The following CFAP20DC variants were observed in gnomAD, a reference collection of about 807,000 sequenced individuals.
CFAP20DC encodes CFAP20 domain containing, also known as protein CFAP20DC.
A neutral mutation model predicts 101.7 loss-of-function variants in CFAP20DC; 84 were observed. The ratio of observed to expected loss-of-function variants is 0.83; its 90% CI spans 0.69 to 0.99. The LOEUF (loss-of-function observed/expected upper bound fraction) is 0.99, where lower values mean the gene tolerates loss of function less well. CFAP20DC is among the 50% of genes least tolerant of loss of function. CFAP20DC has a pLI of 0.00. For synonymous variants in CFAP20DC, 359 were observed against 351.2 expected (o/e 1.02, Z -0.25); for missense variants, 1,007 against 970.3 (o/e 1.04, Z -0.50).
chr3:58,727,187 C>T (rs1237326882), intron 3 of CFAP20DC: 2 of 159,070 alleles, frequency 1.3e-5, no homozygotes, highest in South Asian at 1.6e-4. Flanking sequence ...TTTCCTTTAC[C>T]TTTCCTTGCC....
In CFAP20DC at chr3:58,937,649, A is replaced by G. The variant is rs1171925038; in HGVS notation, c.392T>C (p.Ile131Thr). The part of the protein sequence containing the change: ...KIPLFMIKRK[I>T]WCNLCIDLVA... ...AGGCAACATTCATGTGATACTTACA[A>G]TTTTACGTTTGATCATGAAGAGTGG... Residue 131 changes from isoleucine to threonine, a missense_variant and splice_region_variant, in exon 5 of 17, where the codon ATT (isoleucine) becomes ACT (threonine). Physicochemically the swap from Ile to Thr is moderately conservative, Grantham distance 89. Coordinates refer to ENST00000482387, the MANE Select transcript of CFAP20DC (RefSeq NM_001394063.1). 6.4e-7 allele frequency: 1 copy of G among 1,571,332 alleles called. No homozygotes were observed. The highest frequency in any genetic ancestry group is 8.8e-7 in the Non-Finnish European group (1 of 1,141,302).
chr3:58,847,710 A>G lies in CFAP20DC; in HGVS notation c.1971+1322T>C, dbSNP rs1382263053. ...ATAAATCATGCTGCTATAAAGACAC[A>G]TGCACACGTATGTTTATTGCGGCAT... On this transcript the variant is annotated intron_variant, in intron 13 of 16. Transcript: ENST00000482387. Among the ~76,000 whole-genome samples the G allele has an allele frequency of 1.3e-4, 18 of 140,396 alleles. No homozygotes were observed. In the East Asian group the frequency reaches 3.9e-3, roughly 30 times the overall value. The allele number at this position is 140,396 out of a possible 152,430, so 92.1% of individuals were successfully genotyped here.
chr3:58,818,216 A>G (rs1318750334), intron 14 of CFAP20DC, among the ~76,000 whole-genome samples: 7 of 152,028 alleles, frequency 4.6e-5, no homozygotes, highest in East Asian at 1.9e-4. Context: ...TCGAGACTAG[A>G]AAGAAACTGC....
intron 16 of CFAP20DC, among the ~76,000 whole-genome samples, chr3:58,752,978 T>G (rs1451104287): frequency 6.6e-6 from 1 of 152,050 alleles, no homozygotes; most frequent in African/African-American, 2.4e-5. Context: ...CACTCTGAGG[T>G]TATTTGTCAC....
At chr3:58,730,862 T>A (rs1026325054) in intron 3 of CFAP20DC, among the ~76,000 whole-genome samples, 1 of 152,112 alleles carries the variant, frequency 6.6e-6, no homozygotes, top group Non-Finnish European at 1.5e-5. Context: ...GAAAGGTGAA[T>A]GACAACCATT....
At chr3:58,759,999 G>T (rs1468067649) in intron 15 of CFAP20DC, among the ~76,000 whole-genome samples, 2 of 152,124 alleles carry the variant, frequency 1.3e-5, no homozygotes, top group South Asian at 2.1e-4. Flanking sequence ...TTTGGCTTAG[G>T]ATTGACTTGG....
At chr3:59,018,937 C>A (rs2093745273) in intron 4 of CFAP20DC, 1 of 152,080 alleles carries the variant, frequency 6.6e-6, no homozygotes, top group Non-Finnish European at 1.5e-5. Flanking sequence ...TGTATACACA[C>A]ACACACACAA....
At chr3:59,041,348 T>C (rs79156011) in intron 3 of CFAP20DC, among the ~76,000 whole-genome samples, 1,782 of 152,170 alleles carry the variant, frequency 0.012, 34 homozygotes, top group African/African-American at 0.041. Flanking sequence ...CTTTCTCACA[T>C]ATAGAAGCCC....
At chr3:58,854,183 C>T (rs1333736938) in intron 12 of CFAP20DC, among the ~76,000 whole-genome samples, 13 of 152,100 alleles carry the variant, frequency 8.5e-5, no homozygotes, top group Admixed American at 2.6e-4. Flanking sequence ...CATTCTGATA[C>T]ACCAACAACA....
intron 15 of CFAP20DC, among the ~76,000 whole-genome samples, chr3:58,761,593 T>C (rs958631772): frequency 6.6e-6 from 1 of 152,216 alleles, no homozygotes; most frequent in African/African-American, 2.4e-5. Context: ...TGAATGTGTT[T>C]GCTCTTGCTT....
At chr3:58,845,734 C>T (rs1260325837) in intron 13 of CFAP20DC, among the ~76,000 whole-genome samples, 1 of 150,444 alleles carries the variant, frequency 6.6e-6, no homozygotes, top group Non-Finnish European at 1.5e-5. Context: ...AGACCAATAT[C>T]CTTGATGAAC....
At chr3:58,951,699 T>C (rs932044393) in intron 4 of CFAP20DC, among the ~76,000 whole-genome samples, 2 of 151,938 alleles carry the variant, frequency 1.3e-5, no homozygotes, top group East Asian at 1.9e-4. Context: ...TAGGTGGGAA[T>C]TGAACAATGA....
intron 15 of CFAP20DC, among the ~76,000 whole-genome samples, chr3:58,754,430 C>A: frequency 6.6e-6 from 1 of 152,172 alleles, no homozygotes. Context: ...CTTCCCCAGT[C>A]TCTTGCTTCC....
At chr3:58,941,608 G>A (rs1249060939) in intron 4 of CFAP20DC, among the ~76,000 whole-genome samples, 1 of 151,704 alleles carries the variant, frequency 6.6e-6, no homozygotes, top group East Asian at 2.0e-4. Flanking sequence ...TCGCTCTGTG[G>A]CCCAGGCTGG....
chr3:58,811,373 C>T (rs1359559828), intron 14 of CFAP20DC, among the ~76,000 whole-genome samples: 4 of 152,116 alleles, frequency 2.6e-5, no homozygotes, highest in Admixed American at 2.0e-4. Flanking sequence ...ATCAATGGAA[C>T]AGAACAGAGC....
intron 4 of CFAP20DC, among the ~76,000 whole-genome samples, chr3:58,961,126 T>C (rs1315732052): frequency 6.6e-6 from 1 of 152,246 alleles, no homozygotes. Flanking sequence ...TTTTTGTATG[T>C]TTCTAGATTT....
chr3:58,821,432 A>T (rs567935516), intron 14 of CFAP20DC, among the ~76,000 whole-genome samples: 2,779 of 151,882 alleles, frequency 0.018, 87 homozygotes, highest in African/African-American at 0.063. Flanking sequence ...TACAATGAAC[A>T]CAAACAAATT....
chr3:58,959,251 T>C lies in CFAP20DC; in HGVS notation c.279-21489A>G, dbSNP rs558318024. ...CTGGGATTACAGGCATGTGCCACCA[T>C]GCCCGGCTAATTTTGTATTTTTAGT... On this transcript the variant is annotated intron_variant, in intron 4 of 16. Transcript: ENST00000482387. Among the ~76,000 whole-genome samples, 54 of 152,244 alleles carry C rather than the reference T, an allele frequency of 3.5e-4. 3 individuals are homozygous for C. In the South Asian group the frequency reaches 0.011, roughly 31 times the overall value.
intron 14 of CFAP20DC, among the ~76,000 whole-genome samples, chr3:58,818,479 G>T (rs1220697636): frequency 6.6e-6 from 1 of 151,570 alleles, no homozygotes; most frequent in Admixed American, 6.6e-5. Context: ...GAAAAAGGCA[G>T]GGGTTGCAAT....
Sources: gnomAD v4.1 joint callset for allele counts (sites outside exome capture counted in the v4.1 genomes callset) on GRCh38, gnomAD v4.1.1 for gene constraint, MANE v1.5 for transcripts, NCBI Gene and HGNC (gene_info 2026-07-23, HGNC 2026-07-21) for gene names.